Variants in SAMMSON observed in about 807,000 individuals in gnomAD.
The protein encoded by SAMMSON is survival associated mitochondrial melanoma specific oncogenic non-coding RNA.
intron 4 of SAMMSON, among the ~76,000 whole-genome samples, chr3:70,169,315 C>T (rs1349831953): frequency 6.6e-6 from 1 of 152,018 alleles, no homozygotes; most frequent in East Asian, 1.9e-4. Flanking sequence ...GAAGGCTATT[C>T]AGCCACAGCT....
intron 7 of SAMMSON, among the ~76,000 whole-genome samples, chr3:70,344,744 G>A (rs1293069738): frequency 6.6e-6 from 1 of 152,142 alleles, no homozygotes; most frequent in African/African-American, 2.4e-5. Context: ...TCCTGTAATG[G>A]GTTTGAGTGT....
Position 70,019,843 on chromosome 3 carries a change from G to T in SAMMSON, n.417+6171G>T, listed in dbSNP as rs567944149. Among the ~76,000 whole-genome samples the T allele has an allele frequency of 9.2e-5, 14 of 152,262 alleles. No homozygotes were observed. In the South Asian group the frequency reaches 2.7e-3, roughly 29 times the overall value. On this transcript the variant is annotated intron_variant and non_coding_transcript_variant, in intron 3 of 9. Transcript: ENST00000642114. ...CATATTAACACATTCAAGGGCCTGA[G>T]AAGTCTTGCAGTAAGGAACCCTGTT...
At chr3:70,331,488 G>A (rs1167393729) in intron 7 of SAMMSON, among the ~76,000 whole-genome samples, 1 of 152,082 alleles carries the variant, frequency 6.6e-6, no homozygotes, top group East Asian at 1.9e-4. Flanking sequence ...ATCTATTCTA[G>A]GCTTAAGCAT....
chr3:70,258,427 CAGAG>C (rs141152943), intron 6 of SAMMSON, among the ~76,000 whole-genome samples: 4 of 150,868 alleles, frequency 2.7e-5, no homozygotes, highest in Non-Finnish European at 4.4e-5. Context: ...TATGTATTTA[CAGAG>C]AGAGAGAGAG....
chr3:70,099,824 C>T (rs903270722), intron 4 of SAMMSON, among the ~76,000 whole-genome samples: 2 of 152,120 alleles, frequency 1.3e-5, no homozygotes, highest in African/African-American at 2.4e-5. Context: ...TTTTTCATAA[C>T]CCAATATTCT....
chr3:70,336,376 T>C (rs966136252), intron 7 of SAMMSON, among the ~76,000 whole-genome samples: 1 of 152,024 alleles, frequency 6.6e-6, no homozygotes, highest in African/African-American at 2.4e-5. Context: ...ATACTGGTGA[T>C]TGTAGGACAA....
At chr3:70,116,348 A>C (rs969757613) in intron 4 of SAMMSON, among the ~76,000 whole-genome samples, 61 of 108,586 alleles carry the variant, frequency 5.6e-4, no homozygotes, top group Non-Finnish European at 1.1e-4. Flanking sequence ...TCATTTTGTC[A>C]TATTTTATTT....
chr3:70,151,065 A>G (rs1399057789), intron 4 of SAMMSON, among the ~76,000 whole-genome samples: 1 of 146,238 alleles, frequency 6.8e-6, no homozygotes, highest in Non-Finnish European at 1.5e-5. Context: ...GCATCCAGCC[A>G]GGAAAACAGA....
At chr3:70,314,035 C>T in intron 7 of SAMMSON, among the ~76,000 whole-genome samples, 1 of 152,256 alleles carries the variant, frequency 6.6e-6, no homozygotes, top group South Asian at 2.1e-4. Flanking sequence ...CCACCCCTAC[C>T]TTGAAGGCTT....
intron 6 of SAMMSON, among the ~76,000 whole-genome samples, chr3:70,279,693 C>A (rs1259897636): frequency 6.6e-6 from 1 of 152,176 alleles, no homozygotes; most frequent in Non-Finnish European, 1.5e-5. Context: ...CAGATGCAAA[C>A]ACACACCCTG....
chr3:70,118,951 T>A (rs1379323397), intron 4 of SAMMSON, among the ~76,000 whole-genome samples: 1 of 152,248 alleles, frequency 6.6e-6, no homozygotes, highest in South Asian at 2.1e-4. Context: ...TATGGACCAT[T>A]TCCAGCTACA....
At chr3:70,428,665 ATCTC>A (rs1256841982) in intron 2 of SAMMSON, among the ~76,000 whole-genome samples, 1 of 152,216 alleles carries the variant, frequency 6.6e-6, no homozygotes, top group East Asian at 1.9e-4. Flanking sequence ...TGTCCAAAAT[ATCTC>A]TCTAATTAGT....
intron 7 of SAMMSON, among the ~76,000 whole-genome samples, chr3:70,352,321 T>A: frequency 6.6e-6 from 1 of 152,200 alleles, no homozygotes; most frequent in African/African-American, 2.4e-5. Context: ...AGCAGATTTC[T>A]CATCAGAGAG....
At chr3:70,189,680 G>A (rs1701117174) in intron 4 of SAMMSON, among the ~76,000 whole-genome samples, 1 of 152,318 alleles carries the variant, frequency 6.6e-6, no homozygotes, top group South Asian at 2.1e-4. Context: ...ATAGACATCA[G>A]CTCCAGATTT....
Position 70,158,819 on chromosome 3 carries a change from A to C in SAMMSON, n.507+87254A>C, listed in dbSNP as rs555287736. Among the ~76,000 whole-genome samples, 4 of 152,198 alleles carry C rather than the reference A, an allele frequency of 2.6e-5. No homozygotes were observed. The East Asian group carries it at 7.7e-4, about 29-fold the overall frequency. ...ATTAATACTTTAGGAAAACCTTGCT[A>C]TTCTAATATAGGGGACCAAATTTAT... On this transcript the variant is annotated intron_variant and non_coding_transcript_variant, in intron 4 of 9. Coordinates refer to ENST00000642114, the Ensembl canonical transcript of SAMMSON.
intron 3 of SAMMSON, among the ~76,000 whole-genome samples, chr3:70,031,861 C>G (rs1432693878): frequency 6.6e-6 from 1 of 152,018 alleles, no homozygotes; most frequent in Non-Finnish European, 1.5e-5. Context: ...CAGCCATCAG[C>G]ACAGTACCAG....
intron 7 of SAMMSON, among the ~76,000 whole-genome samples, chr3:70,351,325 G>C (rs1369816265): frequency 1.3e-5 from 2 of 152,056 alleles, no homozygotes; most frequent in African/African-American, 4.8e-5. Flanking sequence ...TCTTTAATAA[G>C]TATTGGTGGG....
At chr3:70,071,823 C>G (rs994621830) in intron 4 of SAMMSON, 7 of 151,854 alleles carry the variant, frequency 4.6e-5, no homozygotes, top group African/African-American at 1.7e-4. Flanking sequence ...TAGCTTTTAA[C>G]ATTTCTTTTC....
intron 6 of SAMMSON, among the ~76,000 whole-genome samples, chr3:70,272,639 C>T (rs999914981): frequency 4.6e-5 from 7 of 152,214 alleles, no homozygotes; most frequent in South Asian, 2.1e-4. Context: ...ATTGCCCAGT[C>T]GAATGGCAGG....
Sources: allele counts gnomAD v4.1 joint callset (sites outside exome capture counted in the v4.1 genomes callset), GRCh38; gene constraint gnomAD v4.1.1; transcripts MANE v1.5; gene names NCBI Gene and HGNC (gene_info 2026-07-23, HGNC 2026-07-21).